Variants in NUP160 observed in about 807,000 individuals in gnomAD.
The protein encoded by NUP160 is nuclear pore complex protein Nup160.
In NUP160, 94 loss-of-function variants were observed where a neutral mutation model predicts 196.9. The ratio of observed to expected loss-of-function variants is 0.48; its 90% CI spans 0.40 to 0.57. The LOEUF (loss-of-function observed/expected upper bound fraction) is 0.57, where lower values mean the gene tolerates loss of function less well. Ranked by LOEUF, NUP160 falls within the 20% of genes least tolerant of loss-of-function variation. The pLI is 0.00. For missense variants in NUP160, 1,638 were observed against 1,748.3 expected, an observed-to-expected ratio of 0.94 and a Z score of 1.13; for synonymous variants, 605 against 619.7, an observed-to-expected ratio of 0.98 and a Z score of 0.35.
chr11:47,779,782 C>A (rs181261174), intron 35 of NUP160, among the ~76,000 whole-genome samples: 1 of 152,076 alleles, frequency 6.6e-6, no homozygotes, highest in Non-Finnish European at 1.5e-5. Context: ...GGATGGAGTG[C>A]GGTGGTGCAA....
chr11:47,790,131 G>C (rs2097667083), intron 29 of NUP160, among the ~76,000 whole-genome samples: 1 of 151,770 alleles, frequency 6.6e-6, no homozygotes, highest in Non-Finnish European at 1.5e-5. Context: ...TTTTAGTAGA[G>C]ACAGGGTTTC....
At chr11:47,813,483 G>A (rs2097682321) in intron 13 of NUP160, 68 bp from the exon 14 acceptor site, 1 of 1,009,940 alleles carries the variant, frequency 9.9e-7, no homozygotes, top group Non-Finnish European at 1.6e-6. Flanking sequence ...TAATTGAGAT[G>A]TGCATCTTAT....
chr11:47,839,433 GA>G (rs1852250809), intron 4 of NUP160: 1 of 173,144 alleles, frequency 5.8e-6, no homozygotes, highest in Admixed American at 5.6e-5. Context: ...AGTGTCTGAA[GA>G]GGGTTAAGAC....
In NUP160 at chr11:47,819,472, A is replaced by G. The variant is rs758426887; in HGVS notation, c.1278-14T>C. On this transcript the variant is annotated splice_polypyrimidine_tract_variant and intron_variant, in intron 9 of 35. Coordinates refer to ENST00000378460, the Ensembl canonical transcript of NUP160. ...CCTGCAACATTACTAGAGACAAAAA[A>G]GTCCACCAGTTTATACAGAAATGAT... 2 of 1,583,308 alleles carry G rather than the reference A, an allele frequency of 1.3e-6. No individual in the cohort carries two copies. The highest frequency in any genetic ancestry group is 1.7e-6 in the Non-Finnish European group (2 of 1,152,064).
chr11:47,842,787 C>T (rs1009445814), intron 2 of NUP160, among the ~76,000 whole-genome samples: 2 of 152,040 alleles, frequency 1.3e-5, no homozygotes, highest in South Asian at 2.1e-4. Context: ...CCCAGGAGTA[C>T]GAGATCAGCC....
chr11:47,797,488 C>T (rs984581984), intron 27 of NUP160, among the ~76,000 whole-genome samples: 1 of 152,184 alleles, frequency 6.6e-6, no homozygotes, highest in Non-Finnish European at 1.5e-5. Flanking sequence ...ATCCACCTGC[C>T]TTGGCCTCCC....
intron 2 of NUP160, among the ~76,000 whole-genome samples, chr11:47,845,310 T>C (rs1413445779): frequency 1.3e-5 from 2 of 152,200 alleles, no homozygotes; most frequent in African/African-American, 2.4e-5. Context: ...CCAGCTAATT[T>C]TGTATTTTTA....
intron 7 of NUP160, among the ~76,000 whole-genome samples, chr11:47,831,112 G>A (rs765584095): frequency 1.3e-5 from 2 of 152,044 alleles, no homozygotes; most frequent in Non-Finnish European, 2.9e-5. Flanking sequence ...GCAGTGAGCC[G>A]AGATCACGCC....
At chr11:47,813,027 C>T in exon 15 of NUP160, 1 of 1,609,836 alleles carries the variant, frequency 6.2e-7, no homozygotes, top group East Asian at 2.2e-5. Flanking sequence ...AGACATATGA[C>T]ATCCCGAGCG....
At chr11:47,811,977 C>T (rs976734204) in intron 17 of NUP160, 87 bp downstream of exon 17, 2 of 1,191,034 alleles carry the variant, frequency 1.7e-6, no homozygotes, top group Admixed American at 1.9e-5. Context: ...AGTATCTGTG[C>T]TAGTAGGGCT....
chr11:47,819,151 A>T (rs1259335752), intron 10 of NUP160, among the ~76,000 whole-genome samples: 1 of 151,968 alleles, frequency 6.6e-6, no homozygotes, highest in East Asian at 1.9e-4. Context: ...CCGTCTCTAC[A>T]AAAGTACAAA....
chr11:47,843,486 G>C (rs959309427), intron 2 of NUP160, among the ~76,000 whole-genome samples: 1 of 152,056 alleles, frequency 6.6e-6, no homozygotes, highest in Non-Finnish European at 1.5e-5. Context: ...TTGTTGGTTC[G>C]TCATTTTTCT....
chr11:47,820,982 CCT>C (rs35682749), intron 9 of NUP160, among the ~76,000 whole-genome samples: 52,453 of 151,896 alleles, frequency 0.35, 10,486 homozygotes, highest in South Asian at 0.52. Context: ...TGTGCCCAGC[CCT>C]GTTTTAAAAT....
At chr11:47,840,554 C>T (rs1260438711) in exon 3 of NUP160, 1 of 1,611,954 alleles carries the variant, frequency 6.2e-7, no homozygotes, top group Non-Finnish European at 8.5e-7. Context: ...TCCAGTGACT[C>T]CTCCATCAGC....
intron 32 of NUP160, 40 bp from the exon 33 acceptor site, chr11:47,785,103 T>TTTTTTTTTTTTG: frequency 9.2e-7 from 1 of 1,086,542 alleles, no homozygotes; most frequent in Non-Finnish European, 1.3e-6. Flanking sequence ...TTCAGATTCT[T>TTTTTTTTTTTTG]AATAGCTATT....
At chr11:47,844,320 C>T (rs1264620175) in intron 2 of NUP160, among the ~76,000 whole-genome samples, 1 of 152,188 alleles carries the variant, frequency 6.6e-6, no homozygotes, top group Non-Finnish European at 1.5e-5. Context: ...TCTTAGATCA[C>T]GTCATTCCTC....
In NUP160 at chr11:47,836,835, C is replaced by T. The variant is rs904661377; in HGVS notation, c.942+52G>A. 1.2e-5 allele frequency: 13 copies of T among 1,126,846 alleles called. No individual in the cohort carries two copies. The African/African-American group carries it at 1.7e-4, about 15-fold the overall frequency. The allele number at this position is 1,126,846 out of a possible 1,614,324, so 69.8% of individuals were successfully genotyped here. ...AAACAGCAAAATTTACTTCAATTCT[C>T]ATGATTCACAATCCTGTTTTAACTT... On this transcript the variant is annotated intron_variant, in intron 6 of 35. Coordinates refer to ENST00000378460, the Ensembl canonical transcript of NUP160.
rs544226636 is a variant in NUP160, at chr11:47,848,130, G to A, written c.202+89C>T. The A allele has an allele frequency of 1.9e-4, 274 of 1,463,262 alleles. 2 individuals carry two copies. In the South Asian group the frequency reaches 2.5e-3, roughly 13 times the overall value. 90.6% of individuals were successfully genotyped at this position (1,463,262 alleles called of 1,614,324 possible). On this transcript the variant is annotated intron_variant, in intron 1 of 35. Transcript: ENST00000378460. ...GGGCTAGAGGCATGTGGACTCAGGAGGATGAAACAGGGCGTCAGGGACCCT... is the reference window on the plus strand; with the variant it reads ...GGGCTAGAGGCATGTGGACTCAGGAAGATGAAACAGGGCGTCAGGGACCCT...
In NUP160 at chr11:47,821,833, T is replaced by C. The variant is rs753123756; in HGVS notation, c.1180-12A>G. 6.2e-7 allele frequency: 1 copy of C among 1,600,560 alleles called. No individual in the cohort carries two copies. Among genetic ancestry groups the C allele is most frequent in the Non-Finnish European group, 8.6e-7 (1 of 1,168,398 alleles). On this transcript the variant is annotated splice_polypyrimidine_tract_variant and intron_variant, in intron 8 of 35. Transcript: ENST00000378460. ...TCAATCAGTGTCTCCTAGGAGGAAA[T>C]GTGGGAAAAAAAGGGATAAAATAAG...
Sources: gnomAD v4.1 joint callset for allele counts (sites outside exome capture counted in the v4.1 genomes callset) on GRCh38, gnomAD v4.1.1 for gene constraint, MANE v1.5 for transcripts, NCBI Gene and HGNC (gene_info 2026-07-23, HGNC 2026-07-21) for gene names.